Variants in PKHD1L1 observed in about 807,000 individuals in gnomAD.
PKHD1L1 encodes PKHD1 like 1.
Under a neutral mutation model 462.9 loss-of-function variants are expected in PKHD1L1, and 434 were observed. The observed-to-expected ratio is 0.94, with a 90% CI of 0.87 to 1.02. The LOEUF (loss-of-function observed/expected upper bound fraction) is 1.02. Ranked by LOEUF, PKHD1L1 falls within the 50% of genes least tolerant of loss-of-function variation. The probability of loss-of-function intolerance (pLI) is 0.00; values close to 1 mark genes in which losing one functional copy is unlikely to be tolerated. For synonymous variants in PKHD1L1, 1,781 were observed against 1,750.0 expected, an observed-to-expected ratio of 1.02 and a Z score of -0.44; for missense variants, 5,202 against 5,096.1, an observed-to-expected ratio of 1.02 and a Z score of -0.63.
In PKHD1L1 at chr8:109,400,282, T is replaced by C. The variant is rs372456860; in HGVS notation, c.1219T>C (p.Tyr407His). Residue 407 changes from tyrosine to histidine, a missense_variant, in exon 13 of 78, where the codon TAC becomes CAC. Around this residue, in one of 3 missense-constraint regions of PKHD1L1, gnomAD observed 4,497 missense variants for 4,336.8 expected, o/e 1.04. Transcript: ENST00000378402. ...TCCAGATTCTGATGTTTATAGATTC[T>C]ACATCAAGGGTGATGACCGTTATGC... The part of the protein sequence containing the change: ...VAPDSDVYRF[Y>H]IKGDDRYAIY... 1.9e-6 allele frequency: 3 copies of C among 1,613,590 alleles called. No homozygotes were observed. The highest frequency in any genetic ancestry group is 2.2e-5 in the South Asian group (2 of 91,074).
At chr8:109,407,980 A>C in intron 17 of PKHD1L1, 69 bp from the exon 18 acceptor site, 1 of 1,049,730 alleles carries the variant, frequency 9.5e-7, no homozygotes, top group African/African-American at 1.7e-5. Context: ...TATATATAAA[A>C]TATATAGTTT....
chr8:109,510,903 G>T lies in PKHD1L1; in HGVS notation c.11522G>T (p.Arg3841Leu), dbSNP rs751619314. The stretch of plus-strand genomic sequence containing the variant: ...ACTGGCACCAGTCCTCAGAATCTTC[G>T]ACTGATGTTGCTTAATGTTGATCAT... Reference protein sequence around the residue: ...YFTGTSPQNLRLMLLNVDHNK... With the variant: ...YFTGTSPQNLLLMLLNVDHNK... Residue 3841 changes from arginine (R) to leucine (L), a missense_variant, in exon 71 of 78, where the codon CGA (arginine) becomes CTA (leucine). Transcript: ENST00000378402. 9 of 1,613,014 alleles carry T rather than the reference G, an allele frequency of 5.6e-6. No individual in the cohort carries two copies. Among genetic ancestry groups the T allele is most frequent in the Non-Finnish European group, 7.6e-6 (9 of 1,179,330 alleles).
intron 34 of PKHD1L1, among the ~76,000 whole-genome samples, 173 bp downstream of exon 34, chr8:109,441,552 G>A (rs868298093): frequency 3.9e-5 from 6 of 152,238 alleles, no homozygotes; most frequent in African/African-American, 9.6e-5. Context: ...CAAATTAGTG[G>A]TAGACTTGAG....
rs111467826 is a variant in PKHD1L1 at position 109,532,442 on chromosome 8, T to C, written c.*2352T>C. ...CCCTTATTCATATGCTAAGCAAGTT[T>C]TATTTTTGCTTTTTTTTTGCATTTA... On this transcript the variant is annotated 3_prime_UTR_variant, in exon 78 of 78. Coordinates refer to ENST00000378402, the MANE Select transcript of PKHD1L1 (RefSeq NM_177531.6). 1.8e-3 allele frequency among the ~76,000 whole-genome samples: 273 copies of C among 152,360 alleles called. 2 individuals carry two copies. Among genetic ancestry groups the C allele is most frequent in the African/African-American group, 6.3e-3 (261 of 41,580 alleles).
At chr8:109,416,683 C>T (rs1221726221) in intron 21 of PKHD1L1, among the ~76,000 whole-genome samples, 2 of 152,058 alleles carry the variant, frequency 1.3e-5, no homozygotes, top group African/African-American at 2.4e-5. Context: ...AAGGGGACAT[C>T]CTTTGTTGGT....
chr8:109,507,776 CAGA>C lies in PKHD1L1; in HGVS notation c.11110_11112del (p.Glu3704del). 6.2e-7 allele frequency: 1 copy of C among 1,613,348 alleles called. No individual in the cohort carries two copies. Among genetic ancestry groups the C allele is most frequent in the Non-Finnish European group, 8.5e-7 (1 of 1,179,638 alleles). ...AATGCTGGTTCTGTGATACCTCAAG[CAGA>C]ATATGAATGGGACGGAAACAGCCAA... On this transcript the variant is annotated inframe_deletion, in exon 69 of 78. Transcript: ENST00000378402.
At chr8:109,421,239 C>T (rs1014356634) in intron 23 of PKHD1L1, among the ~76,000 whole-genome samples, 1 of 151,084 alleles carries the variant, frequency 6.6e-6, no homozygotes, top group Non-Finnish European at 1.5e-5. Context: ...AATTTCCTAC[C>T]ACAAACCAAA....
chr8:109,443,444 C>G (rs1815929216), intron 36 of PKHD1L1, among the ~76,000 whole-genome samples: 1 of 152,138 alleles, frequency 6.6e-6, no homozygotes, highest in South Asian at 2.1e-4. Flanking sequence ...TGACCTTGGA[C>G]AAACTGAAAA....
chr8:109,441,953 A>G, intron 34 of PKHD1L1, 54 bp from the exon 35 acceptor site: 1 of 1,429,918 alleles, frequency 7.0e-7, no homozygotes, highest in Non-Finnish European at 9.2e-7. Context: ...GTCAAAGATA[A>G]TTATTAAGAA....
rs750611136 is a variant in PKHD1L1, at chr8:109,459,764, A to G, written c.7174A>G (p.Ile2392Val). The change falls in exon 47 of 78, where the codon ATT becomes GTT. Residue 2392 changes from isoleucine (I) to valine (V), a missense_variant. Physicochemically the swap from Ile to Val is conservative, Grantham distance 29. Coordinates refer to ENST00000378402, the MANE Select transcript of PKHD1L1 (RefSeq NM_177531.6). Reference protein sequence around the residue: ...RAEVGILTRNILIRGSDNVEW... With the variant: ...RAEVGILTRNVLIRGSDNVEW... ...AGAAGTTGGAATTCTTACAAGAAAT[A>G]TTTTAATAAGAGGATCTGATAATGT... 1 of 1,611,602 alleles carries G rather than the reference A, an allele frequency of 6.2e-7. No individual in the cohort carries two copies. Among genetic ancestry groups the G allele is most frequent in the Non-Finnish European group, 8.5e-7 (1 of 1,178,620 alleles).
intron 16 of PKHD1L1, among the ~76,000 whole-genome samples, chr8:109,406,128 C>T (rs58874600): frequency 0.19 from 29,051 of 152,104 alleles, 2,883 homozygotes; most frequent in South Asian, 0.29. Context: ...TCAGCCCTGT[C>T]CTCAAAGAGA....
chr8:109,439,052 A>G lies in PKHD1L1; in HGVS notation c.3916A>G (p.Ile1306Val). The change falls in exon 32 of 78, where the codon ATC (isoleucine) becomes GTC (valine). Residue 1306 changes from isoleucine to valine, a missense_variant. Transcript: ENST00000378402. ...CAAGTTGTCTCCTGGAAAACATGAT[A>G]TCTATGTAGAAGTCAGAAACTGGGG... The part of the protein sequence containing the change: ...LPKLSPGKHD[I>V]YVEVRNWGFA... 1 of 1,613,532 alleles carries G rather than the reference A, an allele frequency of 6.2e-7. No individual in the cohort carries two copies. The highest frequency in any genetic ancestry group is 8.5e-7 in the Non-Finnish European group (1 of 1,179,622).
At chr8:109,471,058 G>A in intron 50 of PKHD1L1, 1 of 1,587,182 alleles carries the variant, frequency 6.3e-7, no homozygotes, top group Non-Finnish European at 8.6e-7. Flanking sequence ...CTTCTGCGAT[G>A]AAATCTTCTC....
chr8:109,465,330 G>A (rs937358304), intron 49 of PKHD1L1, 85 bp downstream of exon 49: 189 of 1,412,954 alleles, frequency 1.3e-4, no homozygotes, highest in Non-Finnish European at 1.7e-4. Context: ...AGCAGACTTA[G>A]GTGCCTTACA....
At chr8:109,429,207 A>T in intron 25 of PKHD1L1, 133 bp from the exon 26 acceptor site, 1 of 808,670 alleles carries the variant, frequency 1.2e-6, no homozygotes, top group Non-Finnish European at 1.8e-6. Context: ...AAAAGTGACT[A>T]CAATGGTTTT....
At position 109,394,476 on chromosome 8, in the gene PKHD1L1, A is replaced by G. The variant is rs1418092191; in HGVS notation, c.802A>G (p.Thr268Ala). The change falls in exon 10 of 78, where the codon ACA becomes GCA. Residue 268 changes from threonine (T) to alanine (A), a missense_variant. Thr to Ala is a moderately conservative substitution (Grantham distance 58, BLOSUM62 0). This residue lies in a region of PKHD1L1 where 4,497 missense variants were observed against 4,336.8 expected (regional missense o/e 1.04). Coordinates refer to ENST00000378402, the MANE Select transcript of PKHD1L1 (RefSeq NM_177531.6). ...TCTCAATAAAATTGCAATGTTTCAA[A>G]CATATGCAGGTATGTGACTTTTCTT... ...SSLNKIAMFQTYAEVTMIFPS... is the reference protein window; with the variant it reads ...SSLNKIAMFQAYAEVTMIFPS... The G allele has an allele frequency of 1.3e-6, 2 of 1,519,324 alleles. No homozygotes were observed. Among genetic ancestry groups the G allele is most frequent in the Non-Finnish European group, 1.8e-6 (2 of 1,127,612 alleles). 94.1% of individuals were successfully genotyped at this position (1,519,324 alleles called of 1,614,324 possible).
intron 9 of PKHD1L1, 125 bp from the exon 10 acceptor site, chr8:109,394,290 A>G (rs1757844494): frequency 1.9e-6 from 1 of 540,064 alleles, no homozygotes. Flanking sequence ...GAACATTCTT[A>G]TCTTCTCCCA....
At position 109,482,860 on chromosome 8, in the gene PKHD1L1, A is replaced by G. The variant is rs1013930101; in HGVS notation, c.9458-127A>G. On this transcript the variant is annotated intron_variant, in intron 56 of 77. Coordinates refer to ENST00000378402, the MANE Select transcript of PKHD1L1 (RefSeq NM_177531.6). The stretch of plus-strand genomic sequence containing the variant: ...ACATGGTTCCAAGCAGAGAGCACCA[A>G]TTCATTCCTTTTGTTCTAAAATGTT... 6 of 594,612 alleles carry G rather than the reference A, an allele frequency of 1.0e-5. No homozygotes were observed. In the African/African-American group the frequency reaches 1.2e-4, roughly 12 times the overall value. The allele number at this position is 594,612 out of a possible 1,614,324, so 36.8% of individuals were successfully genotyped here. A position where few individuals can be genotyped will look rare whatever the true frequency, so the allele number is the denominator to read the frequency against.
intron 46 of PKHD1L1, among the ~76,000 whole-genome samples, chr8:109,458,832 C>T (rs538883365): frequency 6.6e-6 from 1 of 152,218 alleles, no homozygotes; most frequent in African/African-American, 2.4e-5. Context: ...CACTTGTCTC[C>T]TTAAAATCAG....
Sources: gnomAD v4.1 joint callset for allele counts (sites outside exome capture counted in the v4.1 genomes callset) on GRCh38, gnomAD v4.1.1 for gene constraint, gnomAD v4.1.1 regional missense constraint, MANE v1.5 for transcripts, NCBI Gene and HGNC (gene_info 2026-07-23, HGNC 2026-07-21) for gene names.